The following MAML3 variants were observed in gnomAD, a reference collection of about 807,000 sequenced individuals.
MAML3 encodes the protein mastermind like transcriptional coactivator 3.
In MAML3, 27 loss-of-function variants were observed where a neutral mutation model predicts 101.9. The observed-to-expected ratio is 0.27, with a 90% CI of 0.20 to 0.37. The LOEUF is 0.37. MAML3 is among the 10% of genes least tolerant of loss of function. MAML3 has a pLI of 1.00. For synonymous variants in MAML3, 501 were observed against 555.9 expected (o/e 0.90, Z 1.39); for missense variants, 1,316 against 1,444.9 (o/e 0.91, Z 1.45).
chr4:139,865,295 T>A (rs918374817), intron 2 of MAML3, among the ~76,000 whole-genome samples: 3 of 152,238 alleles, frequency 2.0e-5, no homozygotes, highest in Non-Finnish European at 4.4e-5. Context: ...TAAGGTGGAA[T>A]GTTTCTTCTT....
intron 1 of MAML3, among the ~76,000 whole-genome samples, chr4:140,094,599 A>T (rs1473494531): frequency 6.6e-6 from 1 of 152,220 alleles, no homozygotes; most frequent in Non-Finnish European, 1.5e-5. Flanking sequence ...CCCATCTCTG[A>T]TGAAGACAGA....
chr4:140,110,173 T>G (rs1728417785), intron 1 of MAML3, among the ~76,000 whole-genome samples: 1 of 152,222 alleles, frequency 6.6e-6, no homozygotes. Context: ...CAAGATTTTT[T>G]AAAATTTGAG....
intron 1 of MAML3, among the ~76,000 whole-genome samples, chr4:140,122,717 G>A (rs1038245706): frequency 4.7e-5 from 7 of 148,446 alleles, no homozygotes; most frequent in Admixed American, 1.4e-4. Context: ...GCGTGAACCC[G>A]GGAGGCGGAG....
Position 139,785,507 on chromosome 4 carries a change from A to G in MAML3, c.2080-54840T>C, listed in dbSNP as rs1015823977. Among the ~76,000 whole-genome samples, 12 of 152,256 alleles carry G rather than the reference A, an allele frequency of 7.9e-5. No individual in the cohort carries two copies. The highest frequency in any genetic ancestry group is 2.6e-4 in the African/African-American group (11 of 41,548). ...TTTTGTACGGAATGTGGTGATCCCC[A>G]CTGGCAGGAACAGGTTGCATGTGGT... is the stretch of plus-strand genomic sequence containing the variant. On this transcript the variant is annotated intron_variant, in intron 2 of 4. Coordinates refer to ENST00000509479, the MANE Select transcript of MAML3 (RefSeq NM_018717.5). This position sits in a 1 kb window ranked among gnomAD's most constrained non-coding sequence, Gnocchi z 4.3.
At position 139,719,518 on chromosome 4, in the gene MAML3, G is replaced by A. The variant is rs200199092; in HGVS notation, c.3222C>T (p.Ser1074=). 9.9e-6 allele frequency: 16 copies of A among 1,613,554 alleles called. No homozygotes were observed. Among genetic ancestry groups the A allele is most frequent in the Non-Finnish European group, 1.2e-5 (14 of 1,179,804 alleles). ...PPAQQQIPSG[S]FAPSSQSQAY... is the part of the protein sequence containing the mutation. ...CTTGGCTCTGGCTGCTTGGAGCAAAGCTGCCACTGGGTATCTGCTGCTGTG... is the reference window on the plus strand; with the variant it reads ...CTTGGCTCTGGCTGCTTGGAGCAAAACTGCCACTGGGTATCTGCTGCTGTG... The change falls in exon 5 of 5, where the codon AGC becomes AGT. Residue 1074 remains serine (S), a synonymous_variant. Transcript: ENST00000509479.
intron 2 of MAML3, among the ~76,000 whole-genome samples, chr4:139,790,159 G>A (rs1181151748): frequency 1.4e-5 from 2 of 147,662 alleles, no homozygotes; most frequent in African/African-American, 5.0e-5. Flanking sequence ...AGGGGTCACC[G>A]AGGAGGGAAA....
At chr4:139,795,925 C>G (rs1032129979) in intron 2 of MAML3, among the ~76,000 whole-genome samples, 1 of 152,228 alleles carries the variant, frequency 6.6e-6, no homozygotes, top group African/African-American at 2.4e-5. Context: ...CACAGACAGA[C>G]TTTCCCATTT....
At chr4:139,749,355 T>C (rs1729424539) in intron 2 of MAML3, among the ~76,000 whole-genome samples, 1 of 152,206 alleles carries the variant, frequency 6.6e-6, no homozygotes, top group Non-Finnish European at 1.5e-5. Flanking sequence ...GGCCAAGTTA[T>C]AGGTTTGGTG....
chr4:139,807,209 T>C (rs1730717083), intron 2 of MAML3, among the ~76,000 whole-genome samples: 1 of 152,168 alleles, frequency 6.6e-6, no homozygotes, highest in Admixed American at 6.5e-5. Flanking sequence ...AGCTTAAAAA[T>C]AACAACTGAC....
intron 1 of MAML3, among the ~76,000 whole-genome samples, chr4:140,085,934 G>A (rs748663796): frequency 8.5e-5 from 13 of 152,118 alleles, no homozygotes; most frequent in Non-Finnish European, 1.6e-4. Flanking sequence ...ATTTTTGCCA[G>A]TGGAAAATTT....
intron 2 of MAML3, among the ~76,000 whole-genome samples, chr4:139,861,097 A>C (rs1731773325): frequency 6.6e-6 from 1 of 152,168 alleles, no homozygotes; most frequent in African/African-American, 2.4e-5. Flanking sequence ...CTGAAACCAC[A>C]ATGCGATCCA....
intron 2 of MAML3, 186 bp downstream of exon 2, chr4:139,889,171 C>T (rs1330921416): frequency 8.9e-7 from 1 of 1,125,388 alleles, no homozygotes; most frequent in Non-Finnish European, 1.3e-6. Flanking sequence ...TCATGCCACC[C>T]TTTTCCATTT....
Position 139,905,308 on chromosome 4 carries a change from C to T in MAML3, c.469-14341G>A, listed in dbSNP as rs570638027. Among the ~76,000 whole-genome samples, 485 of 151,998 alleles carry T rather than the reference C, an allele frequency of 3.2e-3. 5 individuals carry two copies. The highest frequency in any genetic ancestry group is 0.01 in the African/African-American group (426 of 41,466). On this transcript the variant is annotated intron_variant, in intron 1 of 4. Transcript: ENST00000509479. ...GAGATCGAGACCATCCTGGCTAACACGGTGAAACCTGTCTCTACTAAAAAT... is the reference window on the plus strand; with the variant it reads ...GAGATCGAGACCATCCTGGCTAACATGGTGAAACCTGTCTCTACTAAAAAT...
At chr4:140,049,062 A>G (rs1727226314) in intron 1 of MAML3, among the ~76,000 whole-genome samples, 1 of 152,150 alleles carries the variant, frequency 6.6e-6, no homozygotes, top group South Asian at 2.1e-4. Context: ...TCAGAGTTTG[A>G]GCTTTGTCAA....
chr4:139,846,364 T>C (rs113659424), intron 2 of MAML3, among the ~76,000 whole-genome samples: 1 of 152,332 alleles, frequency 6.6e-6, no homozygotes, highest in Admixed American at 6.5e-5. Context: ...TTTTAATTTG[T>C]GAGACAGGGT....
chr4:140,150,625 T>C (rs1729142100), intron 1 of MAML3, among the ~76,000 whole-genome samples: 1 of 152,120 alleles, frequency 6.6e-6, no homozygotes, highest in South Asian at 2.1e-4. Context: ...TTCTCCGCAA[T>C]CCATGCGCGT....
intron 2 of MAML3, among the ~76,000 whole-genome samples, chr4:139,844,989 T>A (rs1731417406): frequency 6.6e-6 from 1 of 152,078 alleles, no homozygotes; most frequent in African/African-American, 2.4e-5. Flanking sequence ...TCTCTCTCTC[T>A]GTCTGTCTCT....
chr4:139,858,667 A>T (rs1201925733), intron 2 of MAML3, among the ~76,000 whole-genome samples: 1 of 152,126 alleles, frequency 6.6e-6, no homozygotes, highest in African/African-American at 2.4e-5. Flanking sequence ...TAGATTTGAG[A>T]GGGCGGCACT....
intron 1 of MAML3, among the ~76,000 whole-genome samples, chr4:139,966,658 C>A (rs1474982704): frequency 6.6e-6 from 1 of 152,146 alleles, no homozygotes; most frequent in East Asian, 1.9e-4. Flanking sequence ...TCACAGTAAC[C>A]AGAGATGTGG....
Sources: allele counts gnomAD v4.1 joint callset (sites outside exome capture counted in the v4.1 genomes callset), GRCh38; gene constraint gnomAD v4.1.1; non-coding constraint Gnocchi (gnomAD v3.1); transcripts MANE v1.5; gene names NCBI Gene and HGNC (gene_info 2026-07-23, HGNC 2026-07-21).